Variants in OLFML1 observed in about 807,000 individuals in gnomAD.
OLFML1 encodes the protein olfactomedin like 1, also known as olfactomedin-like protein 1.
A neutral mutation model predicts 37.3 loss-of-function variants in OLFML1; 33 were observed. The observed-to-expected ratio is 0.88, with a 90% CI of 0.67 to 1.18. The LOEUF (loss-of-function observed/expected upper bound fraction) is 1.18, where lower values mean the gene tolerates loss of function less well. Ranked by LOEUF, OLFML1 falls within the 50% of genes most tolerant of loss-of-function variation. The probability of loss-of-function intolerance (pLI) is 0.00; values close to 1 mark genes in which losing one functional copy is unlikely to be tolerated. For synonymous variants in OLFML1, 186 were observed against 181.3 expected, an observed-to-expected ratio of 1.03 and a Z score of -0.21; for missense variants, 545 against 483.7, an observed-to-expected ratio of 1.13 and a Z score of -1.19.
rs1291776951 is a variant in OLFML1 at position 7,504,516 on chromosome 11, A to G, written c.419-4882A>G. Among the ~76,000 whole-genome samples the G allele has an allele frequency of 1.3e-5, 2 of 152,090 alleles. 1 individual carries two copies. Among genetic ancestry groups the G allele is most frequent in the Non-Finnish European group, 2.9e-5 (2 of 68,012 alleles). On this transcript the variant is annotated intron_variant, in intron 2 of 2. Transcript: ENST00000329293. ...CGCCTTTGGCTGCTGTGGGAATTGG[A>G]CTATGGGAGGCAAGTATGGAGGCAT... is the stretch of plus-strand genomic sequence containing the variant.
At position 7,488,075 on chromosome 11, in the gene OLFML1, T is replaced by G. The variant is rs1421170929; in HGVS notation, c.130-52T>G. Reference sequence around the variant, plus strand: ...ATAAATGATAGGTATTTATATTATTTGGGTAATTTAAATAACAAGCAATAA... The same window carrying G: ...ATAAATGATAGGTATTTATATTATTGGGGTAATTTAAATAACAAGCAATAA... On this transcript the variant is annotated intron_variant, in intron 1 of 2. Coordinates refer to ENST00000329293, the MANE Select transcript of OLFML1 (RefSeq NM_198474.4). 8.6e-6 allele frequency: 11 copies of G among 1,273,332 alleles called. No homozygotes were observed. In the Admixed American group the frequency reaches 2.1e-4, roughly 25 times the overall value. The allele number at this position is 1,273,332 out of a possible 1,614,324, so 78.9% of individuals were successfully genotyped here.
intron 1 of OLFML1, among the ~76,000 whole-genome samples, chr11:7,487,191 ATAGATC>A (rs1848533569): frequency 6.6e-6 from 1 of 152,232 alleles, no homozygotes; most frequent in African/African-American, 2.4e-5. Flanking sequence ...TATGATCTGT[ATAGATC>A]TTCCCACCCC....
chr11:7,490,713 T>C (rs1349385681), intron 2 of OLFML1, among the ~76,000 whole-genome samples: 1 of 152,194 alleles, frequency 6.6e-6, no homozygotes, highest in Non-Finnish European at 1.5e-5. Context: ...TCACATTTGA[T>C]GCTGTGTTGG....
chr11:7,488,212 G>A lies in OLFML1; in HGVS notation c.215G>A (p.Gly72Glu), dbSNP rs764270016. Residue 72 changes from glycine (G) to glutamate (E), a missense_variant, in exon 2 of 3, where the codon GGA becomes GAA. Gly to Glu is a moderately conservative substitution (Grantham distance 98). Transcript: ENST00000329293. ...TCAAAAAATATATCTGTCATGCTGG[G>A]AAGATGTCAGACCTACACAAGTGAG... ...EFSKNISVML[G>E]RCQTYTSEYK... 6.8e-6 allele frequency: 11 copies of A among 1,613,440 alleles called. No homozygotes were observed. Among genetic ancestry groups the A allele is most frequent in the South Asian group, 4.4e-5 (4 of 91,076 alleles).
intron 2 of OLFML1, among the ~76,000 whole-genome samples, chr11:7,498,931 T>C (rs1848691101): frequency 6.6e-6 from 1 of 152,212 alleles, no homozygotes; most frequent in Non-Finnish European, 1.5e-5. Flanking sequence ...ATCTGGATCA[T>C]ACTTACAAAC....
chr11:7,505,778 C>G (rs1383869966), intron 2 of OLFML1, among the ~76,000 whole-genome samples: 3 of 152,112 alleles, frequency 2.0e-5, no homozygotes, highest in Admixed American at 2.0e-4. Flanking sequence ...CTACAGTGAG[C>G]CACGATCATG....
chr11:7,506,604 A>G (rs962844416), intron 2 of OLFML1, among the ~76,000 whole-genome samples: 19 of 152,196 alleles, frequency 1.2e-4, no homozygotes, highest in East Asian at 5.8e-4. Context: ...CTCAGCTGAC[A>G]TCGGAGACCC....
chr11:7,488,509 G>A lies in OLFML1; in HGVS notation c.418+94G>A, dbSNP rs568490413. On this transcript the variant is annotated intron_variant, in intron 2 of 2. Coordinates refer to ENST00000329293, the MANE Select transcript of OLFML1 (RefSeq NM_198474.4). Reference sequence around the variant, plus strand: ...CAGTCAGGGAGCATCATAGAGTAATGAGAGTAAGAATTGGAGGTGTGCTTT... The same window carrying A: ...CAGTCAGGGAGCATCATAGAGTAATAAGAGTAAGAATTGGAGGTGTGCTTT... 4 of 1,012,374 alleles carry A rather than the reference G, an allele frequency of 4.0e-6. 1 individual carries two copies. In the South Asian group the frequency reaches 6.8e-5, roughly 17 times the overall value. The allele number at this position is 1,012,374 out of a possible 1,614,324, so 62.7% of individuals were successfully genotyped here.
At chr11:7,504,681 G>C (rs1848763024) in intron 2 of OLFML1, 1 of 152,186 alleles carries the variant, frequency 6.6e-6, no homozygotes, top group Admixed American at 6.5e-5. Flanking sequence ...AGATGAGAAA[G>C]TGTGATAGTC....
At chr11:7,500,738 A>G (rs897644892) in intron 2 of OLFML1, among the ~76,000 whole-genome samples, 1 of 151,350 alleles carries the variant, frequency 6.6e-6, no homozygotes, top group East Asian at 1.9e-4. Flanking sequence ...TTTTTTTTAA[A>G]AAGAATTATA....
At chr11:7,492,207 C>T (rs1228252427) in intron 2 of OLFML1, among the ~76,000 whole-genome samples, 3 of 152,178 alleles carry the variant, frequency 2.0e-5, no homozygotes, top group African/African-American at 4.8e-5. Context: ...CCTGCACCCA[C>T]CTTCTTCCTG....
rs1424867924 is a variant in OLFML1 at position 7,511,240 on chromosome 11, A to C, written c.*1052A>C. ...GATAATTCCTCCAGAAAACCAGTCT[A>C]AGGGTGAGGACCCCAACTCTAGCCT... On this transcript the variant is annotated 3_prime_UTR_variant, in exon 3 of 3. Transcript: ENST00000329293. The C allele has an allele frequency of 6.6e-6, 1 of 152,242 alleles. No homozygotes were observed. The highest frequency in any genetic ancestry group is 1.5e-5 in the Non-Finnish European group (1 of 68,046). 9.4% of individuals were successfully genotyped at this position (152,242 alleles called of 1,614,324 possible).
chr11:7,503,572 G>C (rs1383911304), intron 2 of OLFML1, among the ~76,000 whole-genome samples: 1 of 152,206 alleles, frequency 6.6e-6, no homozygotes, highest in African/African-American at 2.4e-5. Context: ...AGTCTGATTA[G>C]AATGGCTTAG....
At chr11:7,486,451 C>T (rs1327021685) in intron 1 of OLFML1, among the ~76,000 whole-genome samples, 1 of 152,102 alleles carries the variant, frequency 6.6e-6, no homozygotes, top group Non-Finnish European at 1.5e-5. Context: ...TTCAGCTTTT[C>T]GTTTTGTCTT....
Position 7,509,802 on chromosome 11 carries a change from G to C in OLFML1, c.823G>C (p.Asp275His), listed in dbSNP as rs955749875. 11 of 1,614,126 alleles carry C rather than the reference G, an allele frequency of 6.8e-6. No homozygotes were observed. Among genetic ancestry groups the C allele is most frequent in the Admixed American group, 1.7e-5 (1 of 60,012 alleles). The change falls in exon 3 of 3, where the codon GAT (aspartate) becomes CAT (histidine). Residue 275 changes from aspartate to histidine, a missense_variant. Transcript: ENST00000329293. ...CTCAACTTACATTGACCTGGCTGTGGATGAGCATGGGCTCTGGGCCATCCA... is the reference window on the plus strand; with the variant it reads ...CTCAACTTACATTGACCTGGCTGTGCATGAGCATGGGCTCTGGGCCATCCA... ...SPSTYIDLAV[D>H]EHGLWAIHSG...
At position 7,509,619 on chromosome 11, in the gene OLFML1, C is replaced by T; in HGVS notation, c.640C>T (p.Gln214Ter). ...PRKQILTLSWQGTGQVIYKGF... is the reference protein window; with the variant it reads ...PRKQILTLSW ...GAAGCAAATCCTAACACTTTCCTGG[C>T]AGGGAACAGGCCAAGTGATCTACAA... is the stretch of plus-strand genomic sequence containing the variant. Residue 214 changes from glutamine to a stop codon, truncating the protein, a stop_gained, in exon 3 of 3, where the codon CAG becomes TAG. Transcript: ENST00000329293. LOFTEE classifies it high-confidence loss of function. 1 of 1,614,202 alleles carries T rather than the reference C, an allele frequency of 6.2e-7. No individual in the cohort carries two copies. Among genetic ancestry groups the T allele is most frequent in the Non-Finnish European group, 8.5e-7 (1 of 1,180,018 alleles).
chr11:7,504,444 G>T (rs1326293110), intron 2 of OLFML1, among the ~76,000 whole-genome samples: 1 of 151,948 alleles, frequency 6.6e-6, no homozygotes, highest in African/African-American at 2.4e-5. Context: ...GCCAATGGAG[G>T]GTTTCAAGCA....
Position 7,485,730 on chromosome 11 carries a change from C to T in OLFML1, c.-146C>T, listed in dbSNP as rs759757681. The T allele has an allele frequency of 1.4e-5, 11 of 787,202 alleles. No individual in the cohort carries two copies. The highest frequency in any genetic ancestry group is 3.5e-5 in the South Asian group (2 of 56,736). The allele number at this position is 787,202 out of a possible 1,614,324, so 48.8% of individuals were successfully genotyped here. ...CTCACGTATCGGGTGGAATAACAAG[C>T]GGACTTTGCTCTCTGCTGTGCAAAA... On this transcript the variant is annotated 5_prime_UTR_variant, in exon 1 of 3. Transcript: ENST00000329293.
At chr11:7,496,779 T>C (rs79030284) in intron 2 of OLFML1, among the ~76,000 whole-genome samples, 3,621 of 152,296 alleles carry the variant, frequency 0.024, 130 homozygotes, top group African/African-American at 0.081. Flanking sequence ...TTCGTAATTA[T>C]AACCTTGGAA....
Sources: gnomAD v4.1 joint callset for allele counts (sites outside exome capture counted in the v4.1 genomes callset) on GRCh38, gnomAD v4.1.1 for gene constraint, MANE v1.5 for transcripts, NCBI Gene and HGNC (gene_info 2026-07-23, HGNC 2026-07-21) for gene names.